BTRC: variants seen among roughly 807,000 people sequenced by gnomAD.
BTRC encodes the protein F-box/WD repeat-containing protein 1A.
In BTRC, 42 loss-of-function variants were observed where a neutral mutation model predicts 85.5. The ratio of observed to expected loss-of-function variants is 0.49; its 90% CI spans 0.38 to 0.64. BTRC has a LOEUF of 0.64. Among genes scored for constraint, BTRC ranks in the 30% least tolerant of loss-of-function variants. BTRC has a pLI of 0.00. For synonymous variants in BTRC, 255 were observed against 263.3 expected (o/e 0.97, Z 0.30); for missense variants, 594 against 743.5 (o/e 0.80, Z 2.34).
chr10:101,552,702 G>T (rs1011516635), intron 14 of BTRC, among the ~76,000 whole-genome samples: 3 of 152,110 alleles, frequency 2.0e-5, no homozygotes, highest in Non-Finnish European at 4.4e-5. Context: ...ATCCTCAACT[G>T]CACTGTCCCC....
chr10:101,555,361 GA>G lies in BTRC; in HGVS notation c.*2240del, dbSNP rs1370871921. On this transcript the variant is annotated 3_prime_UTR_variant, in exon 15 of 15. Transcript: ENST00000370187. ...CTCTCCAATCTAGGTTCAGTTGAAGGAATATTGTTTCTAAGACTGTTTTGAG... is the reference window on the plus strand; with the variant it reads ...CTCTCCAATCTAGGTTCAGTTGAAGGATATTGTTTCTAAGACTGTTTTGAG... 1 of 152,670 alleles carries G rather than the reference GA, an allele frequency of 6.6e-6. No homozygotes were observed. Among genetic ancestry groups the G allele is most frequent in the African/African-American group, 2.4e-5 (1 of 41,472 alleles). The allele number at this position is 152,670 out of a possible 1,614,324, so 9.5% of individuals were successfully genotyped here. A position where few individuals can be genotyped will look rare whatever the true frequency, so the allele number is the denominator to read the frequency against.
chr10:101,508,635 C>T (rs184288511), intron 4 of BTRC, among the ~76,000 whole-genome samples: 1 of 152,160 alleles, frequency 6.6e-6, no homozygotes, highest in African/African-American at 2.4e-5. Context: ...TAAAAGTAGG[C>T]TGGGCGTGGT....
At chr10:101,441,473 C>G (rs532900615) in intron 2 of BTRC, among the ~76,000 whole-genome samples, 148 of 152,290 alleles carry the variant, frequency 9.7e-4, no homozygotes, top group African/African-American at 3.5e-3. Flanking sequence ...ATGTAGAAAT[C>G]CTTTATGAAA....
Position 101,527,883 on chromosome 10 carries a change from T to C in BTRC, c.743+1684T>C, listed in dbSNP as rs891607317. Among the ~76,000 whole-genome samples the C allele has an allele frequency of 5.6e-4, 85 of 151,940 alleles. 1 individual carries two copies. The highest frequency in any genetic ancestry group is 7.3e-5 in the African/African-American group (3 of 41,342). ...ATTCTTATTTCGCTACATAGAAAAA[T>C]AGAAATCTTTCATAACCTACTTCAT... On this transcript the variant is annotated intron_variant, in intron 6 of 14. Coordinates refer to ENST00000370187, the MANE Select transcript of BTRC (RefSeq NM_033637.4).
chr10:101,504,476 A>C (rs1946468491), intron 4 of BTRC, among the ~76,000 whole-genome samples: 1 of 149,358 alleles, frequency 6.7e-6, no homozygotes, highest in Admixed American at 6.7e-5. Flanking sequence ...ATCTCTCCCC[A>C]TCCCTATCTT....
intron 1 of BTRC, among the ~76,000 whole-genome samples, chr10:101,361,574 G>A (rs1236740325): frequency 6.6e-6 from 1 of 152,198 alleles, no homozygotes; most frequent in Non-Finnish European, 1.5e-5. Context: ...GCAATGGAGG[G>A]GGGAAGAAAT....
At chr10:101,423,858 G>T (rs1396924482) in intron 1 of BTRC, among the ~76,000 whole-genome samples, 1 of 152,210 alleles carries the variant, frequency 6.6e-6, no homozygotes, top group Non-Finnish European at 1.5e-5. Context: ...AGTTTGAAAT[G>T]CAAGTGGCAT....
chr10:101,521,879 A>C lies in BTRC; in HGVS notation c.556+9A>C, dbSNP rs747653515. The C allele has an allele frequency of 6.3e-7, 1 of 1,586,588 alleles. No individual in the cohort carries two copies. Among genetic ancestry groups the C allele is most frequent in the Non-Finnish European group, 8.7e-7 (1 of 1,155,748 alleles). On this transcript the variant is annotated intron_variant, in intron 5 of 14. Transcript: ENST00000370187. Reference sequence around the variant, plus strand: ...CATAACTGCTCTGCCAGGTATGTCTACAAGTGTTTGTAAACCATTAATTTG... The same window carrying C: ...CATAACTGCTCTGCCAGGTATGTCTCCAAGTGTTTGTAAACCATTAATTTG...
intron 1 of BTRC, among the ~76,000 whole-genome samples, chr10:101,388,555 T>G (rs1943144914): frequency 6.6e-6 from 1 of 151,986 alleles, no homozygotes; most frequent in Admixed American, 6.6e-5. Context: ...AGTGGCATGA[T>G]CTCAGCTCAC....
At chr10:101,476,324 G>A (rs1018499863) in intron 3 of BTRC, among the ~76,000 whole-genome samples, 3 of 152,116 alleles carry the variant, frequency 2.0e-5, no homozygotes, top group Admixed American at 1.3e-4. Context: ...AAGGACATTA[G>A]TGGAAAAACT....
At chr10:101,485,632 C>T (rs1207298517) in intron 4 of BTRC, among the ~76,000 whole-genome samples, 2 of 152,030 alleles carry the variant, frequency 1.3e-5, no homozygotes, top group Admixed American at 6.6e-5. Context: ...CTCTATGAAC[C>T]GTTTTTTTTG....
chr10:101,479,947 G>T (rs1220870168), intron 4 of BTRC, among the ~76,000 whole-genome samples: 1 of 152,030 alleles, frequency 6.6e-6, no homozygotes, highest in Non-Finnish European at 1.5e-5. Flanking sequence ...ATGTGTATGG[G>T]CTACCTCTTT....
At chr10:101,483,071 C>T (rs1372460183) in intron 4 of BTRC, among the ~76,000 whole-genome samples, 6 of 152,122 alleles carry the variant, frequency 3.9e-5, no homozygotes, top group Non-Finnish European at 8.8e-5. Flanking sequence ...GACATTAATA[C>T]TATTTATTTC....
rs1350557493 is a variant in BTRC, at chr10:101,532,371, T to G, written c.917T>G (p.Val306Gly). 1 of 1,613,678 alleles carries G rather than the reference T, an allele frequency of 6.2e-7. No individual in the cohort carries two copies. Among genetic ancestry groups the G allele is most frequent in the Non-Finnish European group, 8.5e-7 (1 of 1,179,898 alleles). ...TGCCGAAGTGAAACAAGCAAAGGAG[T>G]TTACTGTTTACAGTATGATGATCAG... ...IHCRSETSKGVYCLQYDDQKI... is the reference protein window; with the variant it reads ...IHCRSETSKGGYCLQYDDQKI... The change falls in exon 8 of 15, where the codon GTT becomes GGT. Residue 306 changes from valine to glycine, a missense_variant. Physicochemically the swap from Val to Gly is moderately radical, Grantham distance 109. Around this residue, in one of 4 missense-constraint regions of BTRC, gnomAD observed 373 missense variants for 503.6 expected, o/e 0.74. Transcript: ENST00000370187.
intron 3 of BTRC, among the ~76,000 whole-genome samples, chr10:101,463,050 G>T (rs192199553): frequency 0.071 from 8,237 of 116,580 alleles, 761 homozygotes; most frequent in African/African-American, 0.23. Flanking sequence ...GTATTTTGGG[G>T]TTTTTTTTTT....
chr10:101,545,317 A>G (rs1227115371), intron 13 of BTRC, among the ~76,000 whole-genome samples: 1 of 152,220 alleles, frequency 6.6e-6, no homozygotes, highest in East Asian at 1.9e-4. Flanking sequence ...TTTGAAGAAG[A>G]AGGCTAAACT....
At chr10:101,544,979 G>A (rs1477604122) in intron 13 of BTRC, among the ~76,000 whole-genome samples, 1 of 151,830 alleles carries the variant, frequency 6.6e-6, no homozygotes, top group Non-Finnish European at 1.5e-5. Context: ...TATGAGTCCA[G>A]GAGATTGAGG....
chr10:101,513,255 A>G (rs556003841), intron 4 of BTRC, among the ~76,000 whole-genome samples: 1 of 152,362 alleles, frequency 6.6e-6, no homozygotes, highest in South Asian at 2.1e-4. Context: ...CAGTGGATTT[A>G]TCAGTAGGAA....
At chr10:101,445,605 A>T (rs1050618805) in intron 2 of BTRC, among the ~76,000 whole-genome samples, 3 of 152,140 alleles carry the variant, frequency 2.0e-5, no homozygotes. Context: ...CGGTCTGTCT[A>T]TTGGTCTCTT....
Sources: allele counts gnomAD v4.1 joint callset (sites outside exome capture counted in the v4.1 genomes callset), GRCh38; gene constraint gnomAD v4.1.1; regional missense constraint gnomAD v4.1.1; transcripts MANE v1.5; gene names NCBI Gene and HGNC (gene_info 2026-07-23, HGNC 2026-07-21).